The following PPHLN1 variants were observed in gnomAD, a reference collection of about 807,000 sequenced individuals.
PPHLN1 encodes periphilin 1, also known as periphilin-1.
Under a neutral mutation model 51.3 loss-of-function variants are expected in PPHLN1, and 29 were observed. The ratio of observed to expected loss-of-function variants is 0.57; its 90% CI spans 0.42 to 0.77. The LOEUF is 0.77. PPHLN1 is among the 30% of genes least tolerant of loss of function. The probability of loss-of-function intolerance (pLI) is 0.00; values close to 1 mark genes in which losing one functional copy is unlikely to be tolerated. For missense variants in PPHLN1, 436 were observed against 438.4 expected (o/e 0.99, Z 0.05); for synonymous variants, 147 against 147.8 (o/e 0.99, Z 0.04).
At chr12:42,402,128 C>T (rs746835049) in intron 9 of PPHLN1, among the ~76,000 whole-genome samples, 1 of 152,138 alleles carries the variant, frequency 6.6e-6, no homozygotes, top group Non-Finnish European at 1.5e-5. Flanking sequence ...CGTAAGCCAC[C>T]GCACCCGGCC....
chr12:42,400,565 A>C (rs1006740135), intron 9 of PPHLN1: 3 of 152,020 alleles, frequency 2.0e-5, no homozygotes, highest in East Asian at 1.9e-4. Flanking sequence ...ACTGTATAGA[A>C]TCTCACAGCC....
At chr12:42,355,771 C>T (rs890301970) in intron 4 of PPHLN1, 25 of 148,558 alleles carry the variant, frequency 1.7e-4, no homozygotes, top group African/African-American at 5.9e-4. Context: ...AAAAAAAGAA[C>T]TATTGTGATT....
chr12:42,406,194 C>T (rs2079288268), intron 9 of PPHLN1, among the ~76,000 whole-genome samples: 1 of 151,122 alleles, frequency 6.6e-6, no homozygotes, highest in Non-Finnish European at 1.5e-5. Context: ...TGCCATTCTC[C>T]TGCCTCAGCC....
Position 42,355,171 on chromosome 12 carries a change from G to C in PPHLN1, c.248G>C (p.Gly83Ala), listed in dbSNP as rs776380503. 8 of 1,613,586 alleles carry C rather than the reference G, an allele frequency of 5.0e-6. No individual in the cohort carries two copies. The highest frequency in any genetic ancestry group is 6.8e-6 in the Non-Finnish European group (8 of 1,179,754). Residue 83 changes from glycine to alanine, a missense_variant, in exon 4 of 10, where the codon GGT becomes GCT. Physicochemically the swap from Gly to Ala is moderately conservative, Grantham distance 60. Transcript: ENST00000358314. ...TTTTTTATGTTACAGGATGAATCTGGTTATAGATGGACAAGAGACGATCAT... is the reference window on the plus strand; with the variant it reads ...TTTTTTATGTTACAGGATGAATCTGCTTATAGATGGACAAGAGACGATCAT... The part of the protein sequence containing the change: ...SGPPHRGDES[G>A]YRWTRDDHSA...
At chr12:42,340,177 G>A (rs11181434) in intron 2 of PPHLN1, among the ~76,000 whole-genome samples, 24,601 of 151,570 alleles carry the variant, frequency 0.16, 2,044 homozygotes, top group Admixed American at 0.2. Context: ...GCATAGTAGC[G>A]CATGCCTGTA....
chr12:42,421,220 G>T (rs1280030988), intron 9 of PPHLN1, among the ~76,000 whole-genome samples: 1 of 152,084 alleles, frequency 6.6e-6, no homozygotes, highest in Non-Finnish European at 1.5e-5. Context: ...CAAAAGAAGT[G>T]GTTCTGTCCT....
intron 1 of PPHLN1, chr12:42,332,698 C>A: frequency 6.6e-7 from 1 of 1,526,444 alleles, no homozygotes; most frequent in Non-Finnish European, 9.1e-7. Context: ...CCTAAAAGGA[C>A]TCAAGTAAGT....
intron 4 of PPHLN1, among the ~76,000 whole-genome samples, chr12:42,358,321 A>G (rs765993399): frequency 2.0e-5 from 3 of 152,170 alleles, no homozygotes; most frequent in Non-Finnish European, 4.4e-5. Flanking sequence ...CCATGATAAC[A>G]TCTTGGTATA....
chr12:42,423,457 C>T (rs1446579252), intron 9 of PPHLN1, among the ~76,000 whole-genome samples: 1 of 152,122 alleles, frequency 6.6e-6, no homozygotes, highest in South Asian at 2.1e-4. Context: ...AAAGAAAAAA[C>T]GCATCTTGGA....
chr12:42,441,182 G>A (rs1469582412), intron 9 of PPHLN1, 133 bp from the exon 10 acceptor site: 2 of 1,255,046 alleles, frequency 1.6e-6, no homozygotes, highest in East Asian at 2.5e-5. Flanking sequence ...CAATGCAAGG[G>A]CGAGAAAGGT....
chr12:42,372,116 T>C (rs1386581388), intron 4 of PPHLN1, among the ~76,000 whole-genome samples: 1 of 152,124 alleles, frequency 6.6e-6, no homozygotes, highest in Non-Finnish European at 1.5e-5. Context: ...TGGTGGACAC[T>C]ATATACATTA....
At chr12:42,348,902 A>G (rs1203252258) in intron 2 of PPHLN1, among the ~76,000 whole-genome samples, 1 of 152,118 alleles carries the variant, frequency 6.6e-6, no homozygotes, top group African/African-American at 2.4e-5. Context: ...CAGTATATTC[A>G]TTTGTGTATC....
chr12:42,377,017 C>T (rs952006008), intron 5 of PPHLN1, among the ~76,000 whole-genome samples: 2 of 152,110 alleles, frequency 1.3e-5, no homozygotes, highest in Non-Finnish European at 2.9e-5. Context: ...CAACCCCCGT[C>T]CTGCAGGCCG....
intron 9 of PPHLN1, among the ~76,000 whole-genome samples, chr12:42,416,935 A>G (rs73272080): frequency 0.034 from 5,140 of 152,320 alleles, 296 homozygotes; most frequent in African/African-American, 0.12. Flanking sequence ...TTTGAAAGCC[A>G]GAAAAAAAGT....
chr12:42,430,656 G>A (rs999168184), intron 9 of PPHLN1, among the ~76,000 whole-genome samples: 3 of 151,894 alleles, frequency 2.0e-5, no homozygotes, highest in African/African-American at 7.3e-5. Flanking sequence ...ACCACGCCCA[G>A]CTAAATTTTG....
At chr12:42,328,655 C>T (rs2069174255) in intron 1 of PPHLN1, among the ~76,000 whole-genome samples, 1 of 152,162 alleles carries the variant, frequency 6.6e-6, no homozygotes, top group South Asian at 2.1e-4. Context: ...AAGAAGTATC[C>T]TTAAAGCGTT....
chr12:42,353,003 T>C (rs910942541), intron 3 of PPHLN1, among the ~76,000 whole-genome samples: 3 of 151,666 alleles, frequency 2.0e-5, no homozygotes, highest in African/African-American at 4.8e-5. Flanking sequence ...GCAGGAGAAT[T>C]GCTTAAACCT....
At chr12:42,412,072 G>A (rs1268702447) in intron 9 of PPHLN1, among the ~76,000 whole-genome samples, 1 of 152,028 alleles carries the variant, frequency 6.6e-6, no homozygotes, top group African/African-American at 2.4e-5. Flanking sequence ...GGGCGTGGTG[G>A]CACGCATCTA....
chr12:42,327,418 C>T (rs967356493), intron 1 of PPHLN1, among the ~76,000 whole-genome samples: 2 of 152,206 alleles, frequency 1.3e-5, no homozygotes, highest in African/African-American at 4.8e-5. Flanking sequence ...ATGGCTGTAG[C>T]CATGTTGAAC....
Sources: gnomAD v4.1 joint callset for allele counts (sites outside exome capture counted in the v4.1 genomes callset) on GRCh38, gnomAD v4.1.1 for gene constraint, MANE v1.5 for transcripts, NCBI Gene and HGNC (gene_info 2026-07-23, HGNC 2026-07-21) for gene names.